PDE4D: variants seen among roughly 807,000 people sequenced by gnomAD.
PDE4D encodes phosphodiesterase 4D.
A neutral mutation model predicts 87.4 loss-of-function variants in PDE4D; 24 were observed. That is an observed-to-expected ratio of 0.27 (90% CI 0.20 to 0.39). The LOEUF (loss-of-function observed/expected upper bound fraction) is 0.39, where lower values mean the gene tolerates loss of function less well. Among genes scored for constraint, PDE4D ranks in the 10% least tolerant of loss-of-function variants. The probability of loss-of-function intolerance (pLI) is 1.00; values close to 1 mark genes in which losing one functional copy is unlikely to be tolerated. For synonymous variants in PDE4D, 384 were observed against 383.2 expected, an observed-to-expected ratio of 1.00 and a Z score of -0.02; for missense variants, 714 against 1,041.0, an observed-to-expected ratio of 0.69 and a Z score of 4.32.
intron 1 of PDE4D, among the ~76,000 whole-genome samples, chr5:60,212,278 T>G (rs1187876582): frequency 3.3e-5 from 5 of 152,176 alleles, no homozygotes; most frequent in African/African-American, 7.2e-5. Context: ...CTTTTTATAA[T>G]AGAAAAATCA....
At chr5:59,275,332 C>G in intron 1 of PDE4D, 2 of 1,591,872 alleles carry the variant, frequency 1.3e-6, no homozygotes, top group Middle Eastern at 1.7e-4. Flanking sequence ...GAGAAAAGAA[C>G]GTTACCAAAC....
At chr5:60,274,903 T>C (rs953192733) in intron 1 of PDE4D, among the ~76,000 whole-genome samples, 2 of 152,262 alleles carry the variant, frequency 1.3e-5, no homozygotes, top group Non-Finnish European at 2.9e-5. Context: ...CCAGCAGTAT[T>C]AGCATCTGTG....
intron 1 of PDE4D, among the ~76,000 whole-genome samples, chr5:59,245,256 T>C (rs1239488514): frequency 6.6e-6 from 1 of 152,102 alleles, no homozygotes; most frequent in East Asian, 1.9e-4. Context: ...TGACAGGCAA[T>C]ATCAGCTTCC....
chr5:60,412,308 T>C lies in PDE4D; in HGVS notation c.-90+75634A>G, dbSNP rs1482059997. On this transcript the variant is annotated intron_variant, in intron 1 of 16. Coordinates refer to the PDE4D transcript ENST00000502484. ...TAATTTTGTTGCCGTTACCCAACAC[T>C]GCATCGTTTTTATAGACATATTTAC... Among the ~76,000 whole-genome samples the C allele has an allele frequency of 2.6e-5, 4 of 152,332 alleles. No individual in the cohort carries two copies. In the East Asian group the frequency reaches 5.8e-4, roughly 22 times the overall value.
chr5:59,512,477 A>T (rs759585337), intron 1 of PDE4D, among the ~76,000 whole-genome samples: 1 of 152,178 alleles, frequency 6.6e-6, no homozygotes, highest in Non-Finnish European at 1.5e-5. Flanking sequence ...AGCTTTTTTC[A>T]AACAGACTTA....
At chr5:59,663,573 A>G (rs546657679) in intron 1 of PDE4D, among the ~76,000 whole-genome samples, 1 of 152,282 alleles carries the variant, frequency 6.6e-6, no homozygotes, top group African/African-American at 2.4e-5. Flanking sequence ...TTGCTTGATT[A>G]TATTGTGATA....
intron 1 of PDE4D, among the ~76,000 whole-genome samples, chr5:59,732,661 A>G (rs1173787757): frequency 6.6e-6 from 1 of 152,122 alleles, no homozygotes; most frequent in African/African-American, 2.4e-5. Flanking sequence ...GGAAATGATC[A>G]GTATGAGCTT....
At position 59,202,033 on chromosome 5, in the gene PDE4D, A is replaced by T. The variant is rs377638337; in HGVS notation, c.648-8497T>A. The stretch of plus-strand genomic sequence containing the variant: ...ATGCAGCTTTTCTGGTGTTTTGATC[A>T]TTTTTTTTTTTTTTTTTTTTTCTGA... On this transcript the variant is annotated intron_variant, in intron 2 of 14. Transcript: ENST00000340635. Among the ~76,000 whole-genome samples the T allele has an allele frequency of 6.0e-3, 570 of 95,212 alleles. 3 individuals are homozygous for T. Among genetic ancestry groups the T allele is most frequent in the Middle Eastern group, 0.03 (3 of 100 alleles). The allele number at this position is 95,212 out of a possible 152,430, so 62.5% of individuals were successfully genotyped here.
rs117746774 is a variant in PDE4D at position 59,564,747 on chromosome 5, C to T, written c.455+328421G>A. Among the ~76,000 whole-genome samples the T allele has an allele frequency of 6.4e-4, 98 of 152,092 alleles. 4 individuals carry two copies. The East Asian group carries it at 0.015, about 23-fold the overall frequency. Reference sequence around the variant, plus strand: ...TCAGGCAGGTGGTGATGACAAAGGGCCCCCAGGAAACTCCCATTTGTGTGA... The same window carrying T: ...TCAGGCAGGTGGTGATGACAAAGGGTCCCCAGGAAACTCCCATTTGTGTGA... On this transcript the variant is annotated intron_variant, in intron 1 of 14. Transcript: ENST00000340635.
chr5:60,324,214 T>C (rs1239088453), intron 1 of PDE4D, among the ~76,000 whole-genome samples: 1 of 152,204 alleles, frequency 6.6e-6, no homozygotes, highest in Non-Finnish European at 1.5e-5. Flanking sequence ...TACTATTTTG[T>C]TCTCAGGGAT....
intron 2 of PDE4D, among the ~76,000 whole-genome samples, chr5:59,207,528 A>G (rs754941935): frequency 2.0e-5 from 3 of 152,054 alleles, no homozygotes; most frequent in African/African-American, 4.8e-5. Flanking sequence ...ATTTTAGTTT[A>G]TTTCACACAT....
At chr5:59,912,844 C>G (rs1303018178) in intron 3 of PDE4D, among the ~76,000 whole-genome samples, 1 of 152,122 alleles carries the variant, frequency 6.6e-6, no homozygotes, top group South Asian at 2.1e-4. Context: ...AATCTAAAAA[C>G]AAACACTTCA....
intron 1 of PDE4D, among the ~76,000 whole-genome samples, chr5:59,600,528 G>A (rs1827349668): frequency 6.6e-6 from 1 of 152,158 alleles, no homozygotes; most frequent in African/African-American, 2.4e-5. Context: ...TTCCTCATTT[G>A]TTTTTGTTAA....
intron 1 of PDE4D, among the ~76,000 whole-genome samples, chr5:59,481,920 A>AG (rs1300112720): frequency 5.3e-5 from 8 of 152,138 alleles, no homozygotes; most frequent in South Asian, 2.1e-4. Context: ...GCCAAAAAAA[A>AG]ATCTTTGGCA....
At chr5:59,777,391 G>A (rs1289755007) in intron 1 of PDE4D, among the ~76,000 whole-genome samples, 2 of 152,180 alleles carry the variant, frequency 1.3e-5, no homozygotes, top group South Asian at 2.1e-4. Context: ...GGAGACTATG[G>A]ACAAACTAAC....
chr5:60,354,479 A>G (rs1759446284), intron 1 of PDE4D, among the ~76,000 whole-genome samples: 2 of 152,200 alleles, frequency 1.3e-5, no homozygotes, highest in African/African-American at 4.8e-5. Flanking sequence ...ATCTAGGAGT[A>G]TACCCTTGTT....
At chr5:59,829,936 A>T (rs1026002555) in intron 1 of PDE4D, among the ~76,000 whole-genome samples, 10 of 151,818 alleles carry the variant, frequency 6.6e-5, no homozygotes, top group East Asian at 1.9e-4. Context: ...TTTTAATTTT[A>T]AAAAAAATCT....
At chr5:60,053,550 T>G (rs1053407676) in intron 2 of PDE4D, among the ~76,000 whole-genome samples, 1 of 152,112 alleles carries the variant, frequency 6.6e-6, no homozygotes, top group Non-Finnish European at 1.5e-5. Flanking sequence ...TCAAGATGGA[T>G]TAAAGACTTA....
At chr5:60,476,608 T>A (rs1296585188) in intron 1 of PDE4D, among the ~76,000 whole-genome samples, 1 of 152,174 alleles carries the variant, frequency 6.6e-6, no homozygotes, top group Non-Finnish European at 1.5e-5. Flanking sequence ...ATCTGGTCCC[T>A]TGTTGTCTCC....
Sources: allele counts gnomAD v4.1 joint callset (sites outside exome capture counted in the v4.1 genomes callset), GRCh38; gene constraint gnomAD v4.1.1; transcripts MANE v1.5; gene names NCBI Gene and HGNC (gene_info 2026-07-23, HGNC 2026-07-21).